Variants in POU6F2 observed in about 807,000 individuals in gnomAD.
The protein encoded by POU6F2 is POU class 6 homeobox 2.
Under a neutral mutation model 71.3 loss-of-function variants are expected in POU6F2, and 31 were observed. The ratio of observed to expected loss-of-function variants is 0.43; its 90% CI spans 0.33 to 0.59. POU6F2 has a LOEUF of 0.59. Among genes scored for constraint, POU6F2 ranks in the 20% least tolerant of loss-of-function variants. POU6F2 has a pLI of 0.04. For synonymous variants in POU6F2, 347 were observed against 355.7 expected, an observed-to-expected ratio of 0.98 and a Z score of 0.27; for missense variants, 783 against 856.8, an observed-to-expected ratio of 0.91 and a Z score of 1.07.
At chr7:39,247,026 A>T (rs557559928) in intron 4 of POU6F2, among the ~76,000 whole-genome samples, 64 of 150,166 alleles carry the variant, frequency 4.3e-4, no homozygotes, top group African/African-American at 1.4e-3. Context: ...TTAGCCTGTA[A>T]CCACTCTGAC....
intron 4 of POU6F2, among the ~76,000 whole-genome samples, chr7:39,307,099 A>G (rs1785061867): frequency 6.6e-6 from 1 of 152,222 alleles, no homozygotes. Flanking sequence ...GATTTGCATT[A>G]TAAAATGCCC....
intron 7 of POU6F2, among the ~76,000 whole-genome samples, chr7:39,440,285 G>A (rs528399035): frequency 8.5e-5 from 13 of 152,244 alleles, no homozygotes; most frequent in African/African-American, 1.7e-4. Flanking sequence ...GTTTTCCAGC[G>A]TGTTTCCATT....
At chr7:39,444,627 CTT>C (rs1347690690) in intron 7 of POU6F2, among the ~76,000 whole-genome samples, 1 of 152,166 alleles carries the variant, frequency 6.6e-6, no homozygotes, top group Non-Finnish European at 1.5e-5. Flanking sequence ...TGATGAGAAT[CTT>C]TGTGTGCATG....
chr7:39,087,146 TAATTAATTAATTA>T (rs1562700844), intron 2 of POU6F2, among the ~76,000 whole-genome samples: 10 of 59,064 alleles, frequency 1.7e-4, no homozygotes, highest in African/African-American at 6.1e-4. Context: ...CAGGCTTTAT[TAATTAATTAATTA>T]ATTTATTTAT....
intron 4 of POU6F2, among the ~76,000 whole-genome samples, chr7:39,308,529 A>G (rs1221085500): frequency 6.6e-6 from 1 of 152,234 alleles, no homozygotes; most frequent in Admixed American, 6.5e-5. Context: ...GTCCTGGACT[A>G]CAGATGTGAG....
At chr7:39,253,468 T>A (rs1783964595) in intron 4 of POU6F2, among the ~76,000 whole-genome samples, 1 of 152,250 alleles carries the variant, frequency 6.6e-6, no homozygotes, top group South Asian at 2.1e-4. Context: ...TTATTTAATT[T>A]TGGTATTTCT....
intron 5 of POU6F2, among the ~76,000 whole-genome samples, chr7:39,358,923 A>T (rs1357415226): frequency 6.6e-6 from 1 of 151,674 alleles, no homozygotes; most frequent in Admixed American, 6.6e-5. Flanking sequence ...TTATTGTCCC[A>T]TGAATTAAAC....
Position 39,339,627 on chromosome 7 carries a change from T to C in POU6F2, c.599-15T>C. On this transcript the variant is annotated splice_polypyrimidine_tract_variant and intron_variant, in intron 4 of 9. Transcript: ENST00000518318. ...TCATGTTATCTCACTCCACATTCGCTTTCTCTCCTTGTAGCTACCTCATCC... is the reference window on the plus strand; with the variant it reads ...TCATGTTATCTCACTCCACATTCGCCTTCTCTCCTTGTAGCTACCTCATCC... 1 of 1,570,278 alleles carries C rather than the reference T, an allele frequency of 6.4e-7. No individual in the cohort carries two copies. Among genetic ancestry groups the C allele is most frequent in the African/African-American group, 1.3e-5 (1 of 74,504 alleles).
intron 5 of POU6F2, among the ~76,000 whole-genome samples, chr7:39,351,844 C>T (rs578048032): frequency 6.6e-6 from 1 of 152,332 alleles, no homozygotes; most frequent in East Asian, 1.9e-4. Context: ...GAGATTTAAA[C>T]TCAGATCTAT....
intron 7 of POU6F2, among the ~76,000 whole-genome samples, chr7:39,451,130 C>T (rs1788649829): frequency 6.6e-6 from 1 of 152,138 alleles, no homozygotes; most frequent in Non-Finnish European, 1.5e-5. Flanking sequence ...GGCACAGCCA[C>T]ACCTTTAAGT....
chr7:39,088,177 T>C (rs1791294232), intron 2 of POU6F2, among the ~76,000 whole-genome samples: 1 of 152,004 alleles, frequency 6.6e-6, no homozygotes, highest in Non-Finnish European at 1.5e-5. Flanking sequence ...TCCAATTAGA[T>C]CAAGAAGAAA....
chr7:39,425,342 A>G (rs1348609461), intron 6 of POU6F2, among the ~76,000 whole-genome samples: 1 of 152,302 alleles, frequency 6.6e-6, no homozygotes, highest in Middle Eastern at 3.4e-3. Context: ...CCACAAAAGC[A>G]CATCTTTGTT....
chr7:38,998,829 T>A (rs868667577), intron 1 of POU6F2, among the ~76,000 whole-genome samples: 8 of 143,648 alleles, frequency 5.6e-5, no homozygotes, highest in Admixed American at 4.2e-4. Flanking sequence ...TTTTTTTTTT[T>A]TTTTTTTTTT....
At chr7:39,328,419 A>AT (rs1460100481) in intron 4 of POU6F2, among the ~76,000 whole-genome samples, 1 of 152,184 alleles carries the variant, frequency 6.6e-6, no homozygotes, top group Non-Finnish European at 1.5e-5. Flanking sequence ...GGGAACAAAT[A>AT]TCTATTGTTG....
At chr7:39,418,945 A>ATATATATGTATATATGTATATATG (rs369711982) in intron 6 of POU6F2, among the ~76,000 whole-genome samples, 1 of 83,180 alleles carries the variant, frequency 1.2e-5, no homozygotes, top group African/African-American at 4.9e-5. Flanking sequence ...ATGTGTATAT[A>ATATATATGTATATATGTATATATG]TGTATATATG....
chr7:39,122,553 A>G (rs1792062590), intron 2 of POU6F2, among the ~76,000 whole-genome samples: 1 of 152,206 alleles, frequency 6.6e-6, no homozygotes, highest in Non-Finnish European at 1.5e-5. Context: ...AGGGGAGGCA[A>G]TCTAAGGAAG....
At chr7:39,305,603 C>T (rs1043438216) in intron 4 of POU6F2, among the ~76,000 whole-genome samples, 2 of 152,162 alleles carry the variant, frequency 1.3e-5, no homozygotes, top group African/African-American at 4.8e-5. Flanking sequence ...TAGTCCTCAG[C>T]GTTAAAATTC....
At chr7:39,312,110 C>T (rs79052835) in intron 4 of POU6F2, among the ~76,000 whole-genome samples, 9 of 151,298 alleles carry the variant, frequency 5.9e-5, no homozygotes, top group Admixed American at 5.9e-4. Context: ...GAAAAAGATA[C>T]GGAGGATAGA....
At chr7:39,241,490 A>G (rs1241571733) in intron 4 of POU6F2, among the ~76,000 whole-genome samples, 3 of 152,144 alleles carry the variant, frequency 2.0e-5, no homozygotes, top group Non-Finnish European at 2.9e-5. Context: ...ATAGTGGCAC[A>G]TGGCCTGAAC....
Sources: allele counts gnomAD v4.1 joint callset (sites outside exome capture counted in the v4.1 genomes callset), GRCh38; gene constraint gnomAD v4.1.1; transcripts MANE v1.5; gene names NCBI Gene and HGNC (gene_info 2026-07-23, HGNC 2026-07-21).